GPR158: variants seen among roughly 807,000 people sequenced by gnomAD.
GPR158 encodes the protein G protein-coupled receptor 158, also known as metabotropic glycine receptor.
In GPR158, 30 loss-of-function variants were observed where a neutral mutation model predicts 78.2. That is an observed-to-expected ratio of 0.38 (90% CI 0.29 to 0.52). The LOEUF is 0.52. Among genes scored for constraint, GPR158 ranks in the 20% least tolerant of loss-of-function variants. The pLI is 0.83. For synonymous variants in GPR158, 581 were observed against 591.1 expected (o/e 0.98, Z 0.25); for missense variants, 1,463 against 1,523.5 (o/e 0.96, Z 0.66).
intron 6 of GPR158, among the ~76,000 whole-genome samples, chr10:25,561,589 A>G (rs1836861312): frequency 1.3e-5 from 2 of 152,196 alleles, no homozygotes; most frequent in Admixed American, 6.5e-5. Context: ...TTTTATGCCA[A>G]ACTTTTCAAA....
rs545386913 is a variant in GPR158, at chr10:25,385,177, T to G, written c.1009-10734T>G. 5.9e-5 allele frequency among the ~76,000 whole-genome samples: 9 copies of G among 152,264 alleles called. No individual in the cohort carries two copies. The South Asian group carries it at 1.9e-3, about 32-fold the overall frequency. On this transcript the variant is annotated intron_variant, in intron 2 of 10. Coordinates refer to ENST00000376351, the MANE Select transcript of GPR158 (RefSeq NM_020752.3). ...GTTCCACTTTCTATTTCTATGAGTT[T>G]ATCTACTTCAGGTACCACATATAGG...
intron 2 of GPR158, among the ~76,000 whole-genome samples, chr10:25,333,787 G>A (rs1484303442): frequency 6.6e-6 from 1 of 152,004 alleles, no homozygotes; most frequent in African/African-American, 2.4e-5. Flanking sequence ...TTTTTCCTAA[G>A]AGAAGATAGT....
intron 2 of GPR158, among the ~76,000 whole-genome samples, chr10:25,273,466 T>C (rs2130745409): frequency 6.6e-6 from 1 of 151,104 alleles, no homozygotes; most frequent in Non-Finnish European, 1.5e-5. Flanking sequence ...TCCCATTATG[T>C]GTAGAAAATA....
At chr10:25,321,421 A>G (rs1057503160) in intron 2 of GPR158, among the ~76,000 whole-genome samples, 1 of 152,190 alleles carries the variant, frequency 6.6e-6, no homozygotes, top group Non-Finnish European at 1.5e-5. Flanking sequence ...CTAATTTTAG[A>G]TCCAGTACAT....
intron 4 of GPR158, among the ~76,000 whole-genome samples, chr10:25,456,934 G>T (rs571782355): frequency 4.6e-5 from 7 of 151,888 alleles, no homozygotes; most frequent in Admixed American, 3.3e-4. Flanking sequence ...GGGGGTCTTT[G>T]TTCCTTTAAT....
intron 2 of GPR158, among the ~76,000 whole-genome samples, chr10:25,376,069 A>G (rs1834075262): frequency 2.6e-5 from 4 of 151,594 alleles, no homozygotes; most frequent in Admixed American, 2.6e-4. Flanking sequence ...AGCATTTTGT[A>G]ATTTTCAGCA....
intron 2 of GPR158, among the ~76,000 whole-genome samples, chr10:25,272,827 G>T (rs1178937076): frequency 1.3e-5 from 2 of 152,200 alleles, no homozygotes; most frequent in Admixed American, 6.5e-5. Context: ...TCAAATTGCA[G>T]CAAGAAAGGA....
At chr10:25,340,121 G>A (rs1291982945) in intron 2 of GPR158, among the ~76,000 whole-genome samples, 1 of 152,074 alleles carries the variant, frequency 6.6e-6, no homozygotes, top group East Asian at 1.9e-4. Context: ...AAAATCTGCA[G>A]TGAGTAGAGT....
chr10:25,313,993 T>C (rs1353908985), intron 2 of GPR158, among the ~76,000 whole-genome samples: 1 of 152,222 alleles, frequency 6.6e-6, no homozygotes, highest in Non-Finnish European at 1.5e-5. Flanking sequence ...TCTTTAAAAC[T>C]TTCTCTATTT....
chr10:25,268,475 A>G (rs2032597253), intron 2 of GPR158, among the ~76,000 whole-genome samples: 1 of 152,126 alleles, frequency 6.6e-6, no homozygotes, highest in South Asian at 2.1e-4. Context: ...ATTGAGTTAT[A>G]TATGTGGAAT....
chr10:25,513,773 G>C lies in GPR158; in HGVS notation c.1405-37203G>C, dbSNP rs186042558. ...AAATTTTCATTTTGATTTCATTTTTGACCCAATGATCATTCAGTAGCAGGT... is the reference window on the plus strand; with the variant it reads ...AAATTTTCATTTTGATTTCATTTTTCACCCAATGATCATTCAGTAGCAGGT... On this transcript the variant is annotated intron_variant, in intron 5 of 10. Coordinates refer to ENST00000376351, the MANE Select transcript of GPR158 (RefSeq NM_020752.3). Among the ~76,000 whole-genome samples, 21 of 151,966 alleles carry C rather than the reference G, an allele frequency of 1.4e-4. No individual in the cohort carries two copies. In the East Asian group the frequency reaches 3.9e-3, roughly 28 times the overall value.
chr10:25,243,342 G>A (rs1264640169), intron 2 of GPR158, among the ~76,000 whole-genome samples: 3 of 152,226 alleles, frequency 2.0e-5, no homozygotes, highest in African/African-American at 4.8e-5. Flanking sequence ...AATGGAAGGA[G>A]TTATCTGGAT....
chr10:25,235,192 A>G (rs553932281), intron 2 of GPR158, among the ~76,000 whole-genome samples: 1 of 152,270 alleles, frequency 6.6e-6, no homozygotes, highest in African/African-American at 2.4e-5. Flanking sequence ...TTAAATTACA[A>G]AAGTGCTTGG....
At chr10:25,411,327 G>A (rs140814854) in intron 3 of GPR158, among the ~76,000 whole-genome samples, 7 of 152,260 alleles carry the variant, frequency 4.6e-5, no homozygotes, top group African/African-American at 1.7e-4. Flanking sequence ...TGTAAGTATA[G>A]ACTGTACTCT....
chr10:25,246,056 A>G (rs1347401705), intron 2 of GPR158, among the ~76,000 whole-genome samples: 1 of 152,216 alleles, frequency 6.6e-6, no homozygotes, highest in African/African-American at 2.4e-5. Context: ...TGACAAATCT[A>G]TTCTAAATTG....
At chr10:25,498,097 G>A (rs1564471729) in intron 5 of GPR158, among the ~76,000 whole-genome samples, 1 of 152,174 alleles carries the variant, frequency 6.6e-6, no homozygotes. Context: ...AATGTATATT[G>A]TACGCAGAAA....
chr10:25,294,186 G>T (rs1854478720), intron 2 of GPR158, among the ~76,000 whole-genome samples: 1 of 152,086 alleles, frequency 6.6e-6, no homozygotes, highest in African/African-American at 2.4e-5. Context: ...TGAGATTCCA[G>T]TTATCTGAAC....
chr10:25,176,009 G>C lies in GPR158; in HGVS notation c.589G>C (p.Glu197Gln). 6.2e-7 allele frequency: 1 copy of C among 1,612,578 alleles called. No homozygotes were observed. Among genetic ancestry groups the C allele is most frequent in the Non-Finnish European group, 8.5e-7 (1 of 1,179,648 alleles). The change falls in exon 1 of 11, where the codon GAG becomes CAG. Residue 197 changes from glutamate to glutamine, a missense_variant. By Grantham distance (29) the Glu-to-Gln change is conservative. Transcript: ENST00000376351. This position sits in a 1 kb window ranked among gnomAD's most constrained non-coding sequence, Gnocchi z 6.3. ...APQVFLQATR[E>Q]ESRILLQDLS... is the part of the protein sequence containing the mutation. ...ACAGGTCTTCCTCCAGGCCACGCGC[G>C]AGGAGAGCCGCATCCTGCTCCAAGA...
At chr10:25,206,089 C>T (rs1397377822) in intron 1 of GPR158, among the ~76,000 whole-genome samples, 1 of 151,444 alleles carries the variant, frequency 6.6e-6, no homozygotes. Context: ...AGGTTCATGC[C>T]ATTCTCCTGC....
Sources: gnomAD v4.1 joint callset for allele counts (sites outside exome capture counted in the v4.1 genomes callset) on GRCh38, gnomAD v4.1.1 for gene constraint, Gnocchi (gnomAD v3.1) non-coding constraint, MANE v1.5 for transcripts, NCBI Gene and HGNC (gene_info 2026-07-23, HGNC 2026-07-21) for gene names.